ANKS1B: variants seen among roughly 807,000 people sequenced by gnomAD.
ANKS1B encodes ankyrin repeat and sterile alpha motif domain containing 1B, also known as ankyrin repeat and sterile alpha motif domain-containing protein 1B.
In ANKS1B, 36 loss-of-function variants were observed where a neutral mutation model predicts 148.3. That is an observed-to-expected ratio of 0.24 (90% CI 0.19 to 0.32). ANKS1B has a LOEUF of 0.32. Among genes scored for constraint, ANKS1B ranks in the 10% least tolerant of loss-of-function variants. The pLI, the probability that ANKS1B is intolerant of heterozygous loss-of-function variation, is 1.00. For missense variants in ANKS1B, 1,157 were observed against 1,542.6 expected, an observed-to-expected ratio of 0.75 and a Z score of 4.19; for synonymous variants, 542 against 560.8, an observed-to-expected ratio of 0.97 and a Z score of 0.47.
At chr12:99,178,853 G>A (rs879630939) in intron 14 of ANKS1B, among the ~76,000 whole-genome samples, 5 of 152,006 alleles carry the variant, frequency 3.3e-5, no homozygotes, top group Admixed American at 6.5e-5. Context: ...AAATCTTATC[G>A]AGGTCAAATG....
At chr12:99,067,549 G>C (rs1039770112) in intron 16 of ANKS1B, among the ~76,000 whole-genome samples, 1 of 152,198 alleles carries the variant, frequency 6.6e-6, no homozygotes, top group Non-Finnish European at 1.5e-5. Flanking sequence ...GCTAGAGCAA[G>C]AGAGGCAGAA....
chr12:98,774,490 A>T (rs560620656), intron 24 of ANKS1B, among the ~76,000 whole-genome samples: 1 of 152,386 alleles, frequency 6.6e-6, no homozygotes, highest in South Asian at 2.1e-4. Context: ...CTTTTGATAC[A>T]TAGATGTGTT....
At chr12:99,741,376 C>T (rs953038203) in intron 8 of ANKS1B, among the ~76,000 whole-genome samples, 10 of 151,988 alleles carry the variant, frequency 6.6e-5, no homozygotes, top group African/African-American at 2.2e-4. Context: ...ACCATTTGAC[C>T]CAGCAATCCC....
intron 1 of ANKS1B, among the ~76,000 whole-genome samples, chr12:99,894,395 G>C (rs1603443530): frequency 6.6e-6 from 1 of 151,052 alleles, no homozygotes; most frequent in South Asian, 2.1e-4. Flanking sequence ...TGTAGTCCCA[G>C]CTACTCAGGA....
At chr12:99,937,741 G>C (rs2094816252) in intron 1 of ANKS1B, among the ~76,000 whole-genome samples, 1 of 152,022 alleles carries the variant, frequency 6.6e-6, no homozygotes, top group African/African-American at 2.4e-5. Flanking sequence ...GAGAAAAGGG[G>C]TATTTATTTT....
intron 8 of ANKS1B, among the ~76,000 whole-genome samples, chr12:99,688,680 A>G (rs1262138066): frequency 1.3e-5 from 2 of 152,062 alleles, no homozygotes; most frequent in African/African-American, 2.4e-5. Context: ...CTAGAAAAAA[A>G]CATAGCCAAG....
At chr12:99,906,331 A>T (rs1293067319) in intron 1 of ANKS1B, among the ~76,000 whole-genome samples, 1 of 152,220 alleles carries the variant, frequency 6.6e-6, no homozygotes, top group Non-Finnish European at 1.5e-5. Flanking sequence ...CTGTTACCCA[A>T]AATTCACTCT....
At chr12:99,743,820 C>A (rs1356931904) in intron 8 of ANKS1B, among the ~76,000 whole-genome samples, 1 of 152,172 alleles carries the variant, frequency 6.6e-6, no homozygotes, top group Non-Finnish European at 1.5e-5. Flanking sequence ...AACTAAAGTT[C>A]TCCATATTGA....
At chr12:99,937,093 C>T (rs1055677802) in intron 1 of ANKS1B, among the ~76,000 whole-genome samples, 1 of 152,154 alleles carries the variant, frequency 6.6e-6, no homozygotes, top group African/African-American at 2.4e-5. Context: ...ATCTGGAGTT[C>T]CCATCTCCTT....
chr12:99,968,316 G>A (rs1253926357), intron 1 of ANKS1B, among the ~76,000 whole-genome samples: 1 of 152,204 alleles, frequency 6.6e-6, no homozygotes. Flanking sequence ...CCAGCACTTT[G>A]GGAGGCCGAG....
intron 17 of ANKS1B, among the ~76,000 whole-genome samples, chr12:98,842,346 G>T (rs954423756): frequency 1.3e-5 from 2 of 152,162 alleles, no homozygotes; most frequent in African/African-American, 4.8e-5. Flanking sequence ...AATATTGTAG[G>T]ATTCCATTTA....
chr12:99,209,359 T>A (rs1322498747), intron 14 of ANKS1B, among the ~76,000 whole-genome samples: 1 of 152,148 alleles, frequency 6.6e-6, no homozygotes, highest in African/African-American at 2.4e-5. Flanking sequence ...GAGAGAAAAA[T>A]TGCTTTAGAA....
At chr12:98,861,041 G>A (rs1018334897) in intron 17 of ANKS1B, among the ~76,000 whole-genome samples, 6 of 152,144 alleles carry the variant, frequency 3.9e-5, no homozygotes, top group Admixed American at 1.3e-4. Context: ...TGACAGATGC[G>A]TGGTAAAATG....
chr12:99,579,639 C>T (rs561547121), intron 9 of ANKS1B, among the ~76,000 whole-genome samples: 52 of 152,210 alleles, frequency 3.4e-4, no homozygotes, highest in South Asian at 6.2e-4. Flanking sequence ...CAAATCAAAA[C>T]CACACTGAAA....
rs117025428 is a variant in ANKS1B, at chr12:99,975,123, G to A, written c.134+8981C>T. Among the ~76,000 whole-genome samples, 250 of 148,626 alleles carry A rather than the reference G, an allele frequency of 1.7e-3. 9 individuals carry two copies. The East Asian group carries it at 0.042, about 25-fold the overall frequency. On this transcript the variant is annotated intron_variant, in intron 1 of 26. Coordinates refer to ENST00000683438, the MANE Select transcript of ANKS1B (RefSeq NM_001352186.2). The stretch of plus-strand genomic sequence containing the variant: ...AGCTGTGATTGCACCACAGCACCCC[G>A]GCCTGGGTGACAGAGTGAGAACTTG...
At chr12:99,504,771 T>C (rs2153006767) in intron 9 of ANKS1B, 130 bp from the exon 10 acceptor site, 1 of 655,290 alleles carries the variant, frequency 1.5e-6, no homozygotes, top group Middle Eastern at 4.3e-4. Flanking sequence ...ATTCATCTGT[T>C]TGAATAAATT....
chr12:98,756,089 G>A (rs1405185218), intron 25 of ANKS1B, among the ~76,000 whole-genome samples: 3 of 152,252 alleles, frequency 2.0e-5, no homozygotes, highest in Non-Finnish European at 2.9e-5. Context: ...GGTGACTCAC[G>A]CCTGTAATTC....
chr12:99,598,133 A>G (rs1399390260), intron 9 of ANKS1B, among the ~76,000 whole-genome samples: 3 of 152,082 alleles, frequency 2.0e-5, no homozygotes, highest in Admixed American at 6.6e-5. Flanking sequence ...ACATTGCCAC[A>G]TTAGATAAAA....
rs527433742 is a variant in ANKS1B, at chr12:98,890,749, T to C, written c.2779-58613A>G. Among the ~76,000 whole-genome samples the C allele has an allele frequency of 3.7e-4, 56 of 152,350 alleles. No homozygotes were observed. In the South Asian group the frequency reaches 3.9e-3, roughly 11 times the overall value. On this transcript the variant is annotated intron_variant, in intron 17 of 26. Coordinates refer to ENST00000683438, the MANE Select transcript of ANKS1B (RefSeq NM_001352186.2). Reference sequence around the variant, plus strand: ...TTGAAAATGACTGAATGCTCAAATATTCTTAAAATACAATGTTCTCTTGCC... The same window carrying C: ...TTGAAAATGACTGAATGCTCAAATACTCTTAAAATACAATGTTCTCTTGCC...
Sources: allele counts gnomAD v4.1 joint callset (sites outside exome capture counted in the v4.1 genomes callset), GRCh38; gene constraint gnomAD v4.1.1; transcripts MANE v1.5; gene names NCBI Gene and HGNC (gene_info 2026-07-23, HGNC 2026-07-21).